PIGL: variants seen among roughly 807,000 people sequenced by gnomAD.
PIGL encodes N-acetylglucosaminyl-phosphatidylinositol de-N-acetylase.
PIGL carries 22 observed loss-of-function variants against 31.1 expected under a neutral mutation model. That is an observed-to-expected ratio of 0.71 (90% CI 0.51 to 1.01). The LOEUF (loss-of-function observed/expected upper bound fraction) is 1.01. Among genes scored for constraint, PIGL ranks in the 50% least tolerant of loss-of-function variants. The pLI is 0.00. For synonymous variants in PIGL, 131 were observed against 117.4 expected (o/e 1.12, Z -0.75); for missense variants, 302 against 315.9 (o/e 0.96, Z 0.33).
intron 2 of PIGL, 70 bp from the exon 3 acceptor site, chr17:16,299,818 C>A: frequency 9.1e-7 from 1 of 1,099,224 alleles, no homozygotes; most frequent in Non-Finnish European, 1.4e-6. Context: ...TGGGCATGCA[C>A]CTACTGGAGC....
intron 2 of PIGL, among the ~76,000 whole-genome samples, chr17:16,274,445 G>A (rs772310832): frequency 6.6e-5 from 10 of 152,128 alleles, no homozygotes; most frequent in Admixed American, 1.3e-4. Flanking sequence ...AAAGGAGGCC[G>A]GGTGCGGTGA....
chr17:16,318,148 T>C (rs1418291472), intron 6 of PIGL, among the ~76,000 whole-genome samples: 1 of 152,126 alleles, frequency 6.6e-6, no homozygotes, highest in Non-Finnish European at 1.5e-5. Context: ...AAATAACACA[T>C]GCTCATTGCA....
chr17:16,316,912 C>G, intron 5 of PIGL, 200 bp downstream of exon 5: 1 of 1,358,066 alleles, frequency 7.4e-7, no homozygotes, highest in East Asian at 2.6e-5. Context: ...GCAGGGCCAC[C>G]TCTGGATGAG....
intron 2 of PIGL, among the ~76,000 whole-genome samples, chr17:16,237,191 T>A (rs113966130): frequency 0.026 from 3,719 of 143,994 alleles, 157 homozygotes; most frequent in African/African-American, 0.091. Flanking sequence ...CACTGCAACG[T>A]CCGCCACCTG....
Position 16,224,869 on chromosome 17 carries a change from G to A in PIGL, c.235+7408G>A, listed in dbSNP as rs193077168. Among the ~76,000 whole-genome samples, 410 of 152,112 alleles carry A rather than the reference G, an allele frequency of 2.7e-3. 1 individual carries two copies. Among genetic ancestry groups the A allele is most frequent in the Non-Finnish European group, 4.0e-3 (269 of 68,004 alleles). On this transcript the variant is annotated intron_variant, in intron 1 of 6. Transcript: ENST00000225609. The stretch of plus-strand genomic sequence containing the variant: ...AATAGGGTTTCACCGTGTTAGCCAG[G>A]ATGGTCTCGATCTCCTGACCTCGTG...
chr17:16,246,118 C>T (rs1282336695), intron 2 of PIGL, among the ~76,000 whole-genome samples: 6 of 151,782 alleles, frequency 4.0e-5, no homozygotes, highest in African/African-American at 7.3e-5. Flanking sequence ...CCACTGCGCC[C>T]GGTCATGGCA....
intron 6 of PIGL, among the ~76,000 whole-genome samples, chr17:16,320,362 AAG>A (rs536146151): frequency 1.3e-4 from 18 of 136,574 alleles, no homozygotes; most frequent in South Asian, 2.6e-4. Flanking sequence ...AGAAGGAAGG[AAG>A]AGAGAGAGGA....
At chr17:16,243,416 G>A (rs569035356) in intron 2 of PIGL, among the ~76,000 whole-genome samples, 2 of 152,232 alleles carry the variant, frequency 1.3e-5, no homozygotes, top group East Asian at 1.9e-4. Context: ...GATTTGGGGT[G>A]GGGATCCCAT....
At chr17:16,236,134 A>C (rs1008993000) in intron 2 of PIGL, among the ~76,000 whole-genome samples, 4 of 152,218 alleles carry the variant, frequency 2.6e-5, no homozygotes, top group African/African-American at 9.6e-5. Flanking sequence ...TTGAAACAAA[A>C]AAACAGGATA....
intron 4 of PIGL, 89 bp from the exon 5 acceptor site, chr17:16,316,592 C>G (rs1257278944): frequency 7.7e-7 from 1 of 1,292,744 alleles, no homozygotes; most frequent in African/African-American, 1.5e-5. Flanking sequence ...GGACCATGGG[C>G]ATGGCAGCCT....
chr17:16,275,459 A>G (rs1475789873), intron 2 of PIGL, among the ~76,000 whole-genome samples: 1 of 152,104 alleles, frequency 6.6e-6, no homozygotes, highest in African/African-American at 2.4e-5. Flanking sequence ...CTCCTATCTC[A>G]TCCTATAAGT....
At chr17:16,220,501 T>G (rs1486625598) in intron 1 of PIGL, among the ~76,000 whole-genome samples, 1 of 144,722 alleles carries the variant, frequency 6.9e-6, no homozygotes, top group Non-Finnish European at 1.5e-5. Context: ...TTTTTTTTTT[T>G]TTTTTGAGGC....
At chr17:16,257,206 C>T (rs780648292) in intron 2 of PIGL, among the ~76,000 whole-genome samples, 1 of 152,112 alleles carries the variant, frequency 6.6e-6, no homozygotes, top group Non-Finnish European at 1.5e-5. Context: ...CACCTGAGGT[C>T]AGGAGTTCGA....
chr17:16,245,914 G>A (rs945481995), intron 2 of PIGL, among the ~76,000 whole-genome samples: 5 of 151,146 alleles, frequency 3.3e-5, no homozygotes, highest in African/African-American at 7.3e-5. Context: ...CTGCCTCCTG[G>A]GTTCACACCA....
intron 6 of PIGL, among the ~76,000 whole-genome samples, chr17:16,323,043 T>G (rs2093112472): frequency 6.6e-6 from 1 of 152,182 alleles, no homozygotes; most frequent in Admixed American, 6.5e-5. Flanking sequence ...ATGGAGTTTT[T>G]AAACAGAAAT....
At chr17:16,284,682 A>G (rs1014282598) in intron 2 of PIGL, among the ~76,000 whole-genome samples, 1 of 152,102 alleles carries the variant, frequency 6.6e-6, no homozygotes. Flanking sequence ...GACAGCTTCA[A>G]TTCCCTATGA....
At chr17:16,237,101 C>CTTT (rs71150281) in intron 2 of PIGL, among the ~76,000 whole-genome samples, 57 of 58,134 alleles carry the variant, frequency 9.8e-4, no homozygotes, top group Admixed American at 1.2e-3. Flanking sequence ...CCACACCTGG[C>CTTT]TTTTTTTTTT....
At chr17:16,282,075 G>C in intron 2 of PIGL, 1 of 514,140 alleles carries the variant, frequency 1.9e-6, no homozygotes, top group Non-Finnish European at 4.0e-6. Flanking sequence ...CCCTGATCTG[G>C]AGACCACTGC....
intron 2 of PIGL, among the ~76,000 whole-genome samples, chr17:16,251,028 G>A (rs1166889407): frequency 6.6e-6 from 1 of 152,132 alleles, no homozygotes; most frequent in East Asian, 1.9e-4. Context: ...GAATCTTTGT[G>A]GTCACACGTT....
Sources: gnomAD v4.1 joint callset for allele counts (sites outside exome capture counted in the v4.1 genomes callset) on GRCh38, gnomAD v4.1.1 for gene constraint, MANE v1.5 for transcripts, NCBI Gene and HGNC (gene_info 2026-07-23, HGNC 2026-07-21) for gene names.